ABCG8: variants seen among roughly 807,000 people sequenced by gnomAD.
The protein encoded by ABCG8 is ATP binding cassette subfamily G member 8.
Under a neutral mutation model 71.3 loss-of-function variants are expected in ABCG8, and 81 were observed. The ratio of observed to expected loss-of-function variants is 1.14; its 90% confidence interval spans 0.95 to 1.37. The LOEUF (loss-of-function observed/expected upper bound fraction) is 1.37, where lower values mean the gene tolerates loss of function less well. Ranked by LOEUF, ABCG8 falls within the 40% of genes most tolerant of loss-of-function variation. The pLI is 0.00. For missense variants in ABCG8, 1,119 were observed against 866.2 expected (o/e 1.29, Z -3.66); for synonymous variants, 451 against 354.7 (o/e 1.27, Z -3.05).
At position 43,879,672 on chromosome 2, in the gene ABCG8, C is replaced by T. The variant is rs1238272162; in HGVS notation, c.*1759C>T. ...AGAATCAAGCCTTGGATCTAGTTCT[C>T]AAGTCTCTTTTGTCTCTTTCAGTTT... On this transcript the variant is annotated 3_prime_UTR_variant, in exon 13 of 13. Coordinates refer to ENST00000272286, the MANE Select transcript of ABCG8 (RefSeq NM_022437.3). The T allele has an allele frequency of 1.3e-5, 2 of 152,204 alleles. No individual in the cohort carries two copies. The highest frequency in any genetic ancestry group is 4.8e-5 in the African/African-American group (2 of 41,454). 9.4% of individuals were successfully genotyped at this position (152,204 alleles called of 1,614,324 possible).
At chr2:43,862,446 A>C (rs964221846) in intron 6 of ABCG8, among the ~76,000 whole-genome samples, 1 of 150,474 alleles carries the variant, frequency 6.6e-6, no homozygotes. Context: ...AACTCTCACT[A>C]TCTGAATAGA....
chr2:43,840,237 C>A (rs1668530287), intron 1 of ABCG8, among the ~76,000 whole-genome samples: 1 of 152,182 alleles, frequency 6.6e-6, no homozygotes, highest in South Asian at 2.1e-4. Flanking sequence ...CTCGGCCAGA[C>A]CCAAGGAGCC....
intron 1 of ABCG8, among the ~76,000 whole-genome samples, chr2:43,842,369 A>C (rs1668606875): frequency 1.3e-5 from 2 of 152,190 alleles, no homozygotes; most frequent in African/African-American, 4.8e-5. Context: ...GGGACAATGA[A>C]GCAATGTGCA....
chr2:43,846,043 A>G (rs750701250), intron 2 of ABCG8, 112 bp from the exon 3 acceptor site: 21 of 1,119,450 alleles, frequency 1.9e-5, no homozygotes, highest in Non-Finnish European at 2.9e-5. Context: ...GTAGGTGAGG[A>G]CATATCCTCT....
chr2:43,843,074 G>A (rs913770860), intron 1 of ABCG8, among the ~76,000 whole-genome samples: 3 of 152,190 alleles, frequency 2.0e-5, no homozygotes, highest in African/African-American at 4.8e-5. Context: ...CAGCATGTGC[G>A]TGCATTGTGT....
Position 43,865,627 on chromosome 2 carries a change from A to C in ABCG8, c.965-6349A>C, listed in dbSNP as rs116227843. 4.1e-3 allele frequency among the ~76,000 whole-genome samples: 622 copies of C among 151,676 alleles called. 5 individuals are homozygous for C. The highest frequency in any genetic ancestry group is 0.014 in the African/African-American group (594 of 41,348). On this transcript the variant is annotated intron_variant, in intron 6 of 12. Transcript: ENST00000272286. ...GATAGAACTCTCACTATCTGGATAGAATTCTCCCTACTGATAGAACTCTCA... is the reference window on the plus strand; with the variant it reads ...GATAGAACTCTCACTATCTGGATAGCATTCTCCCTACTGATAGAACTCTCA...
At chr2:43,856,665 A>G (rs72796768) in intron 6 of ABCG8, among the ~76,000 whole-genome samples, 8,189 of 150,570 alleles carry the variant, frequency 0.054, 271 homozygotes, top group Middle Eastern at 0.12. Flanking sequence ...AGAACTCTCT[A>G]TCTATCTGGA....
chr2:43,875,787 G>A (rs1669941284), intron 11 of ABCG8, among the ~76,000 whole-genome samples: 1 of 152,134 alleles, frequency 6.6e-6, no homozygotes, highest in South Asian at 2.1e-4. Context: ...TCTGTAACCT[G>A]GGCCCCTCCA....
intron 11 of ABCG8, among the ~76,000 whole-genome samples, chr2:43,876,444 CTG>C (rs1278657026): frequency 2.7e-4 from 40 of 150,456 alleles, no homozygotes; most frequent in African/African-American, 9.1e-4. Flanking sequence ...ACGGGGGAGA[CTG>C]TGTCGATATA....
At position 43,878,381 on chromosome 2, in the gene ABCG8, A is replaced by T. The variant is rs1245610167; in HGVS notation, c.*468A>T. 4 of 245,566 alleles carry T rather than the reference A, an allele frequency of 1.6e-5. No homozygotes were observed. The East Asian group carries it at 3.7e-4, about 23-fold the overall frequency. The allele number at this position is 245,566 out of a possible 1,614,324, so 15.2% of individuals were successfully genotyped here. A position where few individuals can be genotyped will look rare whatever the true frequency, so the allele number is the denominator to read the frequency against. ...CAATACAGAAAGTGACCTAAGATGT[A>T]CCAGCAAGATGCCATCCCTTCTTTT... On this transcript the variant is annotated 3_prime_UTR_variant, in exon 13 of 13. Transcript: ENST00000272286.
At chr2:43,839,493 C>A (rs1469385943) in intron 1 of ABCG8, among the ~76,000 whole-genome samples, 2 of 127,836 alleles carry the variant, frequency 1.6e-5, no homozygotes, top group Non-Finnish European at 3.1e-5. Context: ...GTGGCGTGAT[C>A]TCGGCTCACT....
intron 6 of ABCG8, among the ~76,000 whole-genome samples, chr2:43,864,905 T>G (rs1033531575): frequency 6.6e-6 from 1 of 152,014 alleles, no homozygotes; most frequent in African/African-American, 2.4e-5. Context: ...TCTCACTATC[T>G]GGATAGAATT....
chr2:43,859,125 A>G (rs974191319), intron 6 of ABCG8, among the ~76,000 whole-genome samples: 1 of 151,322 alleles, frequency 6.6e-6, no homozygotes, highest in Non-Finnish European at 1.5e-5. Flanking sequence ...CACTGTCTGG[A>G]TAGAATTCTC....
intron 6 of ABCG8, among the ~76,000 whole-genome samples, chr2:43,858,006 C>A (rs958291483): frequency 2.0e-5 from 3 of 151,592 alleles, no homozygotes; most frequent in Non-Finnish European, 4.4e-5. Flanking sequence ...TTCTCACTCT[C>A]TAGATAGAAC....
At chr2:43,854,079 G>A (rs1408798178) in intron 6 of ABCG8, among the ~76,000 whole-genome samples, 1 of 152,238 alleles carries the variant, frequency 6.6e-6, no homozygotes, top group Admixed American at 6.5e-5. Flanking sequence ...TAACCCCAGA[G>A]AGGGGTTACC....
At chr2:43,870,966 C>A (rs796221082) in intron 6 of ABCG8, among the ~76,000 whole-genome samples, 2 of 139,838 alleles carry the variant, frequency 1.4e-5, no homozygotes, top group Non-Finnish European at 3.2e-5. Flanking sequence ...CTGGATAGAA[C>A]TCTCACCATC....
chr2:43,862,686 G>T (rs958150793), intron 6 of ABCG8, among the ~76,000 whole-genome samples: 2 of 147,356 alleles, frequency 1.4e-5, no homozygotes, highest in Admixed American at 6.7e-5. Flanking sequence ...TCACTCTCTG[G>T]ATAGAACTCT....
At chr2:43,873,030 C>T (rs6756676) in intron 8 of ABCG8, among the ~76,000 whole-genome samples, 4 of 151,642 alleles carry the variant, frequency 2.6e-5, no homozygotes, top group Admixed American at 6.6e-5. Context: ...TTTCTTTTCA[C>T]TTAGGGCAGC....
At position 43,876,713 on chromosome 2, in the gene ABCG8, G is replaced by A. The variant is rs368566510; in HGVS notation, c.1757-848G>A. On this transcript the variant is annotated intron_variant, in intron 11 of 12. Coordinates refer to ENST00000272286, the MANE Select transcript of ABCG8 (RefSeq NM_022437.3). ...GAGACCATGTCAATATAAAGGAGCC[G>A]TGGGAATATGGGGAGACTGTGGGAA... 5.4e-5 allele frequency among the ~76,000 whole-genome samples: 8 copies of A among 149,462 alleles called. No individual in the cohort carries two copies. In the East Asian group the frequency reaches 1.6e-3, roughly 30 times the overall value.
Sources: gnomAD v4.1 joint callset for allele counts (sites outside exome capture counted in the v4.1 genomes callset) on GRCh38, gnomAD v4.1.1 for gene constraint, MANE v1.5 for transcripts, NCBI Gene and HGNC (gene_info 2026-07-23, HGNC 2026-07-21) for gene names.